The following CDH23 variants were observed in gnomAD, a reference collection of about 807,000 sequenced individuals.
CDH23 encodes cadherin-23.
CDH23 carries 189 observed loss-of-function variants against 317.1 expected under a neutral mutation model. The ratio of observed to expected loss-of-function variants is 0.60; its 90% CI spans 0.53 to 0.67. The LOEUF (loss-of-function observed/expected upper bound fraction) is 0.67, where lower values mean the gene tolerates loss of function less well. Ranked by LOEUF, CDH23 falls within the 30% of genes least tolerant of loss-of-function variation. CDH23 has a pLI of 0.00. For synonymous variants in CDH23, 1,839 were observed against 1,876.8 expected (o/e 0.98, Z 0.52); for missense variants, 4,401 against 4,592.4 (o/e 0.96, Z 1.20).
In CDH23 at chr10:71,397,276, C is replaced by CCGAGGCGAGG. The variant is rs71012280; in HGVS notation, c.-40_-31dup. 7 of 172,874 alleles carry CCGAGGCGAGG rather than the reference C, an allele frequency of 4.0e-5. No individual in the cohort carries two copies. The highest frequency in any genetic ancestry group is 9.7e-5 in the African/African-American group (4 of 41,242). 10.7% of individuals were successfully genotyped at this position (172,874 alleles called of 1,614,324 possible). On this transcript the variant is annotated 5_prime_UTR_variant, in exon 1 of 70. Coordinates refer to ENST00000224721, the MANE Select transcript of CDH23 (RefSeq NM_022124.6). This position sits in a 1 kb window ranked among gnomAD's most constrained non-coding sequence, Gnocchi z 4.8. ...GGGCCGATCCGGCGGAGAGCAGAGC[C>CCGAGGCGAGG]CGAGGCGAGGCGAGGCGCGGCGCCG...
At chr10:71,638,381 G>C (rs1177304330) in intron 11 of CDH23, among the ~76,000 whole-genome samples, 1 of 152,240 alleles carries the variant, frequency 6.6e-6, no homozygotes, top group Non-Finnish European at 1.5e-5. Context: ...GCCTCAGGAT[G>C]GGGAGGGCCA....
At chr10:71,696,919 C>T (rs1865411646) in intron 22 of CDH23, among the ~76,000 whole-genome samples, 1 of 152,346 alleles carries the variant, frequency 6.6e-6, no homozygotes, top group Non-Finnish European at 1.5e-5. Flanking sequence ...ACTGCACTGG[C>T]CCAGGGTAAC....
Position 71,570,734 on chromosome 10 carries a change from G to A in CDH23, c.625-56G>A, listed in dbSNP as rs1363649508. 6 of 1,553,232 alleles carry A rather than the reference G, an allele frequency of 3.9e-6. No homozygotes were observed. In the East Asian group the frequency reaches 7.3e-5, roughly 19 times the overall value. ...TCTGTGTGTGTGTGTACATATGTGT[G>A]TGAGTGTCCCCACCATCACTCAACC... is the stretch of plus-strand genomic sequence containing the variant. On this transcript the variant is annotated intron_variant, in intron 7 of 69. Transcript: ENST00000224721.
chr10:71,791,987 A>G (rs1173795788), intron 47 of CDH23, among the ~76,000 whole-genome samples: 1 of 152,238 alleles, frequency 6.6e-6, no homozygotes, highest in Non-Finnish European at 1.5e-5. Flanking sequence ...AACTTCTGGA[A>G]GAATAAGAAA....
chr10:71,429,025 T>C (rs1849245980), intron 1 of CDH23, among the ~76,000 whole-genome samples: 1 of 152,250 alleles, frequency 6.6e-6, no homozygotes, highest in Non-Finnish European at 1.5e-5. Flanking sequence ...TTTCTGTAGG[T>C]TGCGTTTTTA....
rs80277642 is a variant in CDH23 at position 71,622,693 on chromosome 10, G to A, written c.1134+5300G>A. 5.0e-3 allele frequency among the ~76,000 whole-genome samples: 756 copies of A among 152,330 alleles called. 5 individuals are homozygous for A. Among genetic ancestry groups the A allele is most frequent in the Non-Finnish European group, 8.1e-3 (548 of 68,028 alleles). On this transcript the variant is annotated intron_variant, in intron 11 of 69. Coordinates refer to ENST00000224721, the MANE Select transcript of CDH23 (RefSeq NM_022124.6). ...GCTGTCAGGAGAAATACCATTTGCGGATGTCCTGCCTTCCTTCTCCAGAGC... is the reference window on the plus strand; with the variant it reads ...GCTGTCAGGAGAAATACCATTTGCGAATGTCCTGCCTTCCTTCTCCAGAGC...
intron 3 of CDH23, among the ~76,000 whole-genome samples, chr10:71,465,636 C>A (rs778476098): frequency 8.5e-5 from 13 of 152,224 alleles, no homozygotes; most frequent in Non-Finnish European, 1.9e-4. Context: ...ATTTTTACCG[C>A]TGTTTACCTG....
At chr10:71,661,708 C>CCCCTCCCCCCCTGCGCG (rs1863658647) in intron 14 of CDH23, among the ~76,000 whole-genome samples, 3 of 118,424 alleles carry the variant, frequency 2.5e-5, no homozygotes, top group South Asian at 2.7e-4. Flanking sequence ...TCCTAGCGTA[C>CCCCTCCCCCCCTGCGCG]CCCTCCCACC....
intron 21 of CDH23, among the ~76,000 whole-genome samples, chr10:71,695,051 G>T (rs916516879): frequency 2.6e-5 from 4 of 152,178 alleles, no homozygotes; most frequent in Admixed American, 2.0e-4. Flanking sequence ...CAGGGAAATT[G>T]CTTGGCTTGT....
At chr10:71,668,739 A>C (rs1203913185) in intron 14 of CDH23, among the ~76,000 whole-genome samples, 5 of 152,222 alleles carry the variant, frequency 3.3e-5, no homozygotes, top group African/African-American at 1.2e-4. Context: ...AGCCAGGAGA[A>C]AGACTGGCAT....
intron 18 of CDH23, among the ~76,000 whole-genome samples, chr10:71,684,023 G>A (rs1372572082): frequency 1.3e-5 from 2 of 152,022 alleles, no homozygotes; most frequent in African/African-American, 4.8e-5. Context: ...GGAGGTTGCA[G>A]TGAGCCGAGA....
At chr10:71,467,593 TG>T (rs1286006251) in intron 3 of CDH23, among the ~76,000 whole-genome samples, 1 of 152,120 alleles carries the variant, frequency 6.6e-6, no homozygotes, top group Non-Finnish European at 1.5e-5. Context: ...AGGAGCTGAC[TG>T]GGGGGTTCAA....
At position 71,559,665 on chromosome 10, in the gene CDH23, G is replaced by A. The variant is rs896312180; in HGVS notation, c.430-7077G>A. 6.6e-5 allele frequency among the ~76,000 whole-genome samples: 10 copies of A among 152,324 alleles called. 1 individual carries two copies. Among genetic ancestry groups the A allele is most frequent in the Admixed American group, 4.6e-4 (7 of 15,302 alleles). On this transcript the variant is annotated intron_variant, in intron 6 of 69. Coordinates refer to ENST00000224721, the MANE Select transcript of CDH23 (RefSeq NM_022124.6). ...GCTCTGGAGGAGACCAGAACAGCTG[G>A]GGAGACCAGCTTAGGCCCAGAGAGA...
chr10:71,609,626 G>A (rs1860740841), intron 9 of CDH23, among the ~76,000 whole-genome samples: 1 of 152,142 alleles, frequency 6.6e-6, no homozygotes, highest in South Asian at 2.1e-4. Context: ...CCGGCACTAG[G>A]CTGGTTTCCC....
In CDH23 at chr10:71,734,280, G is replaced by A; in HGVS notation, c.4145G>A (p.Gly1382Asp). 1 of 1,612,594 alleles carries A rather than the reference G, an allele frequency of 6.2e-7. No individual in the cohort carries two copies. The highest frequency in any genetic ancestry group is 8.5e-7 in the Non-Finnish European group (1 of 1,179,366). ...TVQGLVDREK[G>D]DFYTLTVVAD... ...CAGGGCCTGGTGGACCGTGAGAAGG[G>A]CGACTTCTATACCTTGACAGTGGTG... The change falls in exon 33 of 70, where the codon GGC becomes GAC. Residue 1382 changes from glycine to aspartate, a missense_variant. Coordinates refer to ENST00000224721, the MANE Select transcript of CDH23 (RefSeq NM_022124.6).
At chr10:71,486,155 C>G (rs1852335883) in intron 3 of CDH23, among the ~76,000 whole-genome samples, 3 of 152,172 alleles carry the variant, frequency 2.0e-5, no homozygotes. Flanking sequence ...TTATTAAACA[C>G]AAGACTCTGA....
At chr10:71,782,829 C>G (rs1173777408) in intron 41 of CDH23, among the ~76,000 whole-genome samples, 1 of 152,248 alleles carries the variant, frequency 6.6e-6, no homozygotes, top group Non-Finnish European at 1.5e-5. Flanking sequence ...CTTCCACCCC[C>G]CAGGCAGGGT....
intron 55 of CDH23, among the ~76,000 whole-genome samples, chr10:71,805,253 A>G (rs2132982431): frequency 6.6e-6 from 1 of 152,334 alleles, no homozygotes; most frequent in African/African-American, 2.4e-5. Flanking sequence ...TGGCAAGTCC[A>G]GGTTCCAGGC....
At chr10:71,752,486 C>A (rs1271849221) in intron 38 of CDH23, among the ~76,000 whole-genome samples, 3 of 152,208 alleles carry the variant, frequency 2.0e-5, no homozygotes, top group South Asian at 2.1e-4. Flanking sequence ...GCTTCCTGCC[C>A]AGAGCACACC....
Sources: gnomAD v4.1 joint callset for allele counts (sites outside exome capture counted in the v4.1 genomes callset) on GRCh38, gnomAD v4.1.1 for gene constraint, Gnocchi (gnomAD v3.1) non-coding constraint, MANE v1.5 for transcripts, NCBI Gene and HGNC (gene_info 2026-07-23, HGNC 2026-07-21) for gene names.